Variants in ALK observed in about 807,000 individuals in gnomAD.
ALK encodes the protein ALK tyrosine kinase receptor.
Under a neutral mutation model 163.1 loss-of-function variants are expected in ALK, and 74 were observed. The observed-to-expected ratio is 0.45, with a 90% CI of 0.38 to 0.55. The LOEUF (loss-of-function observed/expected upper bound fraction) is 0.55. ALK is among the 20% of genes least tolerant of loss of function. The pLI is 0.00. For missense variants in ALK, 2,063 were observed against 2,105.3 expected, an observed-to-expected ratio of 0.98 and a Z score of 0.39; for synonymous variants, 960 against 843.2, an observed-to-expected ratio of 1.14 and a Z score of -2.40.
chr2:29,532,859 T>C (rs1673157102), intron 3 of ALK, among the ~76,000 whole-genome samples: 1 of 152,244 alleles, frequency 6.6e-6, no homozygotes, highest in South Asian at 2.1e-4. Flanking sequence ...ATGCTGCTCC[T>C]TTTGCAGTAG....
In ALK at chr2:29,876,402, G is replaced by T. The variant is rs1467502814; in HGVS notation, c.667+43591C>A. 2.0e-5 allele frequency among the ~76,000 whole-genome samples: 3 copies of T among 151,334 alleles called. No individual in the cohort carries two copies. The East Asian group carries it at 5.9e-4, about 30-fold the overall frequency. ...AGTGATAATGATGATGGTGATGATG[G>T]TGGTGATGGTGATGTGGTGTGGTGA... is the stretch of plus-strand genomic sequence containing the variant. On this transcript the variant is annotated intron_variant, in intron 1 of 28. Transcript: ENST00000389048.
At chr2:29,369,594 A>G (rs11903143) in intron 5 of ALK, among the ~76,000 whole-genome samples, 41,381 of 152,054 alleles carry the variant, frequency 0.27, 5,919 homozygotes, top group African/African-American at 0.34. Flanking sequence ...ACGGAGCTGG[A>G]CACATGGATC....
intron 3 of ALK, among the ~76,000 whole-genome samples, chr2:29,677,575 A>G (rs1366443544): frequency 1.3e-5 from 2 of 152,032 alleles, no homozygotes; most frequent in East Asian, 1.9e-4. Flanking sequence ...TTAACATGGT[A>G]TATTACATCA....
At chr2:29,265,661 C>T (rs1490047753) in intron 11 of ALK, among the ~76,000 whole-genome samples, 2 of 152,160 alleles carry the variant, frequency 1.3e-5, no homozygotes, top group African/African-American at 4.8e-5. Flanking sequence ...TTGCTCTTAT[C>T]TTATTATGAA....
chr2:29,583,042 G>GTTTGTT (rs1674764128), intron 3 of ALK, among the ~76,000 whole-genome samples: 1 of 143,632 alleles, frequency 7.0e-6, no homozygotes, highest in Non-Finnish European at 1.5e-5. Context: ...TTTGTTTTTT[G>GTTTGTT]TTTTTTTGTT....
intron 12 of ALK, among the ~76,000 whole-genome samples, chr2:29,247,163 C>T (rs1156773765): frequency 1.3e-5 from 2 of 150,242 alleles, no homozygotes; most frequent in Admixed American, 6.6e-5. Context: ...TCCGCGGCAG[C>T]GCCTTTCCCC....
At chr2:29,553,260 A>C (rs974354762) in intron 3 of ALK, among the ~76,000 whole-genome samples, 9 of 152,152 alleles carry the variant, frequency 5.9e-5, no homozygotes, top group Non-Finnish European at 1.2e-4. Context: ...TTTTTCCCTT[A>C]GCCCCTTCTG....
chr2:29,325,127 C>T (rs1667213646), intron 6 of ALK, among the ~76,000 whole-genome samples: 1 of 152,076 alleles, frequency 6.6e-6, no homozygotes, highest in Non-Finnish European at 1.5e-5. Flanking sequence ...CTTTCCCCTT[C>T]CAAATTCCAA....
At chr2:29,862,553 A>T (rs1224952218) in intron 1 of ALK, among the ~76,000 whole-genome samples, 5 of 152,196 alleles carry the variant, frequency 3.3e-5, no homozygotes, top group African/African-American at 9.6e-5. Context: ...ACCTACAAAT[A>T]AATTTAACCA....
At chr2:29,222,949 G>C (rs766550980) in intron 20 of ALK, among the ~76,000 whole-genome samples, 1 of 152,188 alleles carries the variant, frequency 6.6e-6, no homozygotes, top group Non-Finnish European at 1.5e-5. Context: ...TCCTTGGGGA[G>C]AGACAGATCA....
At chr2:29,533,708 AGCACTG>A (rs1171235101) in intron 3 of ALK, among the ~76,000 whole-genome samples, 8 of 152,308 alleles carry the variant, frequency 5.3e-5, no homozygotes, top group African/African-American at 1.9e-4. Flanking sequence ...CAAACATCCA[AGCACTG>A]GCTCTGCCCT....
intron 11 of ALK, 24 bp downstream of exon 11, chr2:29,275,075 C>A: frequency 6.2e-7 from 1 of 1,613,898 alleles, no homozygotes; most frequent in South Asian, 1.1e-5. Context: ...TTACTGTGCT[C>A]ACATTTGTGA....
At chr2:29,416,875 A>G (rs1669892641) in intron 4 of ALK, among the ~76,000 whole-genome samples, 1 of 151,780 alleles carries the variant, frequency 6.6e-6, no homozygotes, top group Non-Finnish European at 1.5e-5. Context: ...CTTATGTATC[A>G]CCAGCATCTG....
At chr2:29,469,420 A>G (rs1447430752) in intron 4 of ALK, among the ~76,000 whole-genome samples, 1 of 152,184 alleles carries the variant, frequency 6.6e-6, no homozygotes, top group Non-Finnish European at 1.5e-5. Context: ...AGTTTTGATA[A>G]GGGCCCACTT....
At chr2:29,362,194 A>G (rs1385966263) in intron 5 of ALK, among the ~76,000 whole-genome samples, 1 of 152,218 alleles carries the variant, frequency 6.6e-6, no homozygotes, top group Non-Finnish European at 1.5e-5. Context: ...GGATGGAACA[A>G]AAAAGGAGCC....
At chr2:29,846,993 T>C (rs948536552) in intron 1 of ALK, among the ~76,000 whole-genome samples, 13 of 152,118 alleles carry the variant, frequency 8.5e-5, no homozygotes, top group South Asian at 2.1e-4. Flanking sequence ...AAAAAGGAGC[T>C]TGTAAAGTAA....
At chr2:29,373,201 G>C (rs1320115256) in intron 5 of ALK, among the ~76,000 whole-genome samples, 1 of 152,170 alleles carries the variant, frequency 6.6e-6, no homozygotes, top group Non-Finnish European at 1.5e-5. Flanking sequence ...TACTAAGGAT[G>C]ATGTAAAACT....
At position 29,193,158 on chromosome 2, in the gene ALK, C is replaced by T. The variant is rs201645782; in HGVS notation, c.*66G>A. The stretch of plus-strand genomic sequence containing the variant: ...ATTTGGTCTCTGGTTTGTGAAGGAG[C>T]CATTGCCTCTCTCTCCTCCACGGTC... On this transcript the variant is annotated 3_prime_UTR_variant, in exon 29 of 29. Coordinates refer to ENST00000389048, the MANE Select transcript of ALK (RefSeq NM_004304.5). The T allele has an allele frequency of 8.3e-7, 1 of 1,210,710 alleles. No homozygotes were observed. Among genetic ancestry groups the T allele is most frequent in the African/African-American group, 1.5e-5 (1 of 65,240 alleles). The allele number at this position is 1,210,710 out of a possible 1,614,324, so 75.0% of individuals were successfully genotyped here.
In ALK at chr2:29,193,564, C is replaced by G. The variant is rs2148138035; in HGVS notation, c.4523G>C (p.Gly1508Ala). The change falls in exon 29 of 29, where the codon GGC becomes GCC. Residue 1508 changes from glycine (G) to alanine (A), a missense_variant. Coordinates refer to ENST00000389048, the MANE Select transcript of ALK (RefSeq NM_004304.5). ...KPTSLWNPTY[G>A]SWFTEKPTKK... ...GGTGGGTTTCTCTGTAAACCAGGAGCCGTACGTTGGGTTCCACAAGCTGGT... is the reference window on the plus strand; with the variant it reads ...GGTGGGTTTCTCTGTAAACCAGGAGGCGTACGTTGGGTTCCACAAGCTGGT... 1 of 1,614,192 alleles carries G rather than the reference C, an allele frequency of 6.2e-7. No homozygotes were observed. Among genetic ancestry groups the G allele is most frequent in the Non-Finnish European group, 8.5e-7 (1 of 1,180,022 alleles).
Sources: allele counts gnomAD v4.1 joint callset (sites outside exome capture counted in the v4.1 genomes callset), GRCh38; gene constraint gnomAD v4.1.1; transcripts MANE v1.5; gene names NCBI Gene and HGNC (gene_info 2026-07-23, HGNC 2026-07-21).